Variants in CAB39L observed in about 807,000 individuals in gnomAD.
CAB39L encodes calcium-binding protein 39-like.
In CAB39L, 23 loss-of-function variants were observed where a neutral mutation model predicts 39.1. The observed-to-expected ratio is 0.59, with a 90% CI of 0.42 to 0.83. The LOEUF is 0.83. CAB39L is among the 40% of genes least tolerant of loss of function. CAB39L has a pLI of 0.00. For missense variants in CAB39L, 366 were observed against 391.9 expected, an observed-to-expected ratio of 0.93 and a Z score of 0.56; for synonymous variants, 126 against 137.2, an observed-to-expected ratio of 0.92 and a Z score of 0.57.
intron 9 of CAB39L, among the ~76,000 whole-genome samples, chr13:49,337,731 C>T (rs900663026): frequency 1.4e-4 from 12 of 85,660 alleles, no homozygotes; most frequent in Non-Finnish European, 1.8e-4. Context: ...GCTGCTCTGG[C>T]GCACACACAC....
chr13:49,343,960 A>T (rs1220105299), intron 8 of CAB39L, among the ~76,000 whole-genome samples: 1 of 152,236 alleles, frequency 6.6e-6, no homozygotes, highest in African/African-American at 2.4e-5. Flanking sequence ...GCTTCAGAGC[A>T]CAACACGAAG....
At chr13:49,413,561 T>C (rs1464347763) in intron 3 of CAB39L, among the ~76,000 whole-genome samples, 2 of 151,718 alleles carry the variant, frequency 1.3e-5, no homozygotes, top group African/African-American at 2.4e-5. Context: ...GAAAAGAAAA[T>C]TGTGGTTAAA....
At chr13:49,314,718 C>A (rs1954105284) in intron 10 of CAB39L, among the ~76,000 whole-genome samples, 1 of 152,200 alleles carries the variant, frequency 6.6e-6, no homozygotes, top group Non-Finnish European at 1.5e-5. Flanking sequence ...CAAATCCTAG[C>A]ACCATCTCTT....
At chr13:49,346,633 A>T (rs1270370157) in intron 7 of CAB39L, among the ~76,000 whole-genome samples, 1 of 152,182 alleles carries the variant, frequency 6.6e-6, no homozygotes, top group Admixed American at 6.5e-5. Context: ...AAGGCTGAGG[A>T]GCCAGCGACA....
In CAB39L at chr13:49,315,018, G is replaced by A. The variant is rs139200776; in HGVS notation, c.835-4025C>T. 2.1e-3 allele frequency among the ~76,000 whole-genome samples: 325 copies of A among 152,310 alleles called. 3 individuals carry two copies. Among genetic ancestry groups the A allele is most frequent in the Non-Finnish European group, 2.4e-4 (16 of 68,026 alleles). On this transcript the variant is annotated intron_variant, in intron 10 of 10. Transcript: ENST00000409308. The stretch of plus-strand genomic sequence containing the variant: ...TCCCAGGATGCTTGTTCTGAGAACT[G>A]ATGAGATGTGACATTTTACCAGGTG...
intron 10 of CAB39L, among the ~76,000 whole-genome samples, chr13:49,323,580 C>A (rs1481625860): frequency 6.6e-6 from 1 of 151,646 alleles, no homozygotes; most frequent in African/African-American, 2.4e-5. Context: ...CCAGGGGAAG[C>A]CGCCTGCACA....
intron 10 of CAB39L, among the ~76,000 whole-genome samples, chr13:49,313,869 G>T (rs1954076681): frequency 6.6e-6 from 1 of 152,168 alleles, no homozygotes; most frequent in South Asian, 2.1e-4. Context: ...GGCAGTGGGG[G>T]TTTCATGGCT....
intron 7 of CAB39L, among the ~76,000 whole-genome samples, chr13:49,347,483 T>A (rs190204056): frequency 0.015 from 2,260 of 152,294 alleles, 42 homozygotes; most frequent in African/African-American, 0.041. Context: ...TACTTTTTTT[T>A]AAAAAATGAA....
chr13:49,393,114 T>C (rs1956525714), intron 3 of CAB39L: 1 of 151,982 alleles, frequency 6.6e-6, no homozygotes, highest in South Asian at 2.1e-4. Context: ...GCTACAAAAT[T>C]TGGGAAGGAT....
chr13:49,419,827 CT>C (rs1240461092), intron 3 of CAB39L, among the ~76,000 whole-genome samples: 4 of 152,110 alleles, frequency 2.6e-5, no homozygotes, highest in South Asian at 2.1e-4. Flanking sequence ...GCTCAAACTA[CT>C]TTTTTTCCTT....
chr13:49,375,407 A>G (rs1486110195), intron 5 of CAB39L, among the ~76,000 whole-genome samples: 1 of 152,244 alleles, frequency 6.6e-6, no homozygotes, highest in Admixed American at 6.5e-5. Flanking sequence ...ACAGAAAAGT[A>G]TATACATACA....
intron 3 of CAB39L, among the ~76,000 whole-genome samples, chr13:49,416,587 T>C (rs1244436541): frequency 2.6e-5 from 4 of 152,186 alleles, no homozygotes; most frequent in Admixed American, 6.5e-5. Context: ...ACGGAGTATC[T>C]AGTCATGAAG....
chr13:49,407,304 C>T (rs974368522), intron 3 of CAB39L, among the ~76,000 whole-genome samples: 18 of 152,148 alleles, frequency 1.2e-4, no homozygotes, highest in Non-Finnish European at 2.1e-4. Flanking sequence ...TTCCAAGTTA[C>T]CTCCTCCACC....
intron 3 of CAB39L, among the ~76,000 whole-genome samples, chr13:49,396,088 ACT>A (rs1956614833): frequency 6.7e-6 from 1 of 149,304 alleles, no homozygotes; most frequent in African/African-American, 2.5e-5. Context: ...ACACAGTGAG[ACT>A]CTGTCTCAAA....
At chr13:49,409,646 G>A (rs1956948824) in intron 3 of CAB39L, among the ~76,000 whole-genome samples, 1 of 152,082 alleles carries the variant, frequency 6.6e-6, no homozygotes, top group African/African-American at 2.4e-5. Context: ...ACTGCCCAGG[G>A]AAAGAGGAAT....
intron 3 of CAB39L, among the ~76,000 whole-genome samples, chr13:49,396,590 C>A (rs2138639575): frequency 6.6e-6 from 1 of 152,102 alleles, no homozygotes; most frequent in East Asian, 1.9e-4. Flanking sequence ...CGCCTGTAAT[C>A]CCAGCTACTC....
intron 3 of CAB39L, among the ~76,000 whole-genome samples, chr13:49,415,173 G>A (rs1957061705): frequency 6.6e-6 from 1 of 150,624 alleles, no homozygotes; most frequent in Admixed American, 6.6e-5. Flanking sequence ...CTCCAGTCTG[G>A]GCAACACAGT....
At chr13:49,338,863 G>T (rs1954922063) in intron 9 of CAB39L, among the ~76,000 whole-genome samples, 1 of 152,124 alleles carries the variant, frequency 6.6e-6, no homozygotes, top group Non-Finnish European at 1.5e-5. Flanking sequence ...TAAGCAACCT[G>T]CAGGAAAACA....
At chr13:49,431,716 T>A (rs920847173) in intron 3 of CAB39L, among the ~76,000 whole-genome samples, 3 of 150,384 alleles carry the variant, frequency 2.0e-5, no homozygotes, top group African/African-American at 7.3e-5. Flanking sequence ...TAAAAAAAAA[T>A]AAAAAACAAA....
Sources: allele counts gnomAD v4.1 joint callset (sites outside exome capture counted in the v4.1 genomes callset), GRCh38; gene constraint gnomAD v4.1.1; transcripts MANE v1.5; gene names NCBI Gene and HGNC (gene_info 2026-07-23, HGNC 2026-07-21).